Variants in DNAJC6 observed in about 807,000 individuals in gnomAD.
DNAJC6 encodes the protein DnaJ heat shock protein family (Hsp40) member C6, also known as auxilin.
A neutral mutation model predicts 110.0 loss-of-function variants in DNAJC6; 34 were observed. That is an observed-to-expected ratio of 0.31 (90% CI 0.24 to 0.41). The LOEUF is 0.41. Among genes scored for constraint, DNAJC6 ranks in the 10% least tolerant of loss-of-function variants. The pLI, the probability that DNAJC6 is intolerant of heterozygous loss-of-function variation, is 1.00. For synonymous variants in DNAJC6, 406 were observed against 437.2 expected, an observed-to-expected ratio of 0.93 and a Z score of 0.89; for missense variants, 1,031 against 1,207.8, an observed-to-expected ratio of 0.85 and a Z score of 2.17.
chr1:65,275,847 T>C (rs1193751322), intron 1 of DNAJC6, among the ~76,000 whole-genome samples: 1 of 151,978 alleles, frequency 6.6e-6, no homozygotes, highest in African/African-American at 2.4e-5. Flanking sequence ...ACAGAACCAT[T>C]AATTTCTTAA....
chr1:65,333,382 A>T (rs1192530337), intron 1 of DNAJC6, among the ~76,000 whole-genome samples: 1 of 152,120 alleles, frequency 6.6e-6, no homozygotes, highest in East Asian at 1.9e-4. Context: ...CATGGATAAA[A>T]ACCATCACTG....
In DNAJC6 at chr1:65,401,825, C is replaced by T; in HGVS notation, c.2172C>T (p.Pro724=). The T allele has an allele frequency of 6.2e-7, 1 of 1,613,980 alleles. No individual in the cohort carries two copies. Among genetic ancestry groups the T allele is most frequent in the Non-Finnish European group, 8.5e-7 (1 of 1,179,950 alleles). Residue 724 remains proline (P), a synonymous_variant, in exon 15 of 19, where the codon CCC becomes CCT. Transcript: ENST00000371069. ...TSPTGSSHGT[P]THQSKPQTLD... ...CAACCGGATCCTCGCATGGTACTCC[C>T]ACCCATCAAAGCAAACCCCAGACTC...
intron 8 of DNAJC6, 25 bp from the exon 9 acceptor site, chr1:65,388,311 A>G: frequency 6.3e-7 from 1 of 1,597,842 alleles, no homozygotes. Context: ...ATTGATTGTA[A>G]TGTGCTTCTC....
intron 1 of DNAJC6, among the ~76,000 whole-genome samples, chr1:65,278,608 G>A (rs759125352): frequency 1.3e-5 from 2 of 152,090 alleles, no homozygotes; most frequent in Non-Finnish European, 2.9e-5. Context: ...GTTTGTTCAC[G>A]TTTCAGTATG....
At chr1:65,269,715 C>T (rs973040482) in intron 1 of DNAJC6, among the ~76,000 whole-genome samples, 3 of 152,096 alleles carry the variant, frequency 2.0e-5, no homozygotes, top group African/African-American at 7.2e-5. Flanking sequence ...CTCAAAGCTT[C>T]AGGGGTAGCA....
chr1:65,394,401 A>G (rs996450148), intron 12 of DNAJC6, among the ~76,000 whole-genome samples: 1 of 152,244 alleles, frequency 6.6e-6, no homozygotes, highest in African/African-American at 2.4e-5. Context: ...GAATCCCAGG[A>G]CTTAACTGTC....
intron 1 of DNAJC6, among the ~76,000 whole-genome samples, chr1:65,294,274 T>C (rs1644907131): frequency 6.6e-6 from 1 of 152,220 alleles, no homozygotes; most frequent in Admixed American, 6.6e-5. Context: ...TGTATTTGTT[T>C]GATTTGGCTG....
chr1:65,272,883 G>A (rs1406851383), intron 1 of DNAJC6, among the ~76,000 whole-genome samples: 2 of 151,982 alleles, frequency 1.3e-5, no homozygotes, highest in Admixed American at 1.3e-4. Flanking sequence ...TCCTATTTTT[G>A]TGTGTGTTTT....
chr1:65,413,167 T>C lies in DNAJC6; in HGVS notation c.*142T>C. On this transcript the variant is annotated 3_prime_UTR_variant, in exon 19 of 19. Transcript: ENST00000371069. The stretch of plus-strand genomic sequence containing the variant: ...GTTAAGTTACTCATGAATTAATTTC[T>C]CATTGATAAGGAATGTGGATGTTTG... The C allele has an allele frequency of 1.5e-6, 1 of 653,136 alleles. No homozygotes were observed. 40.5% of individuals were successfully genotyped at this position (653,136 alleles called of 1,614,324 possible).
At chr1:65,380,460 T>C (rs1645806837) in intron 5 of DNAJC6, among the ~76,000 whole-genome samples, 1 of 152,224 alleles carries the variant, frequency 6.6e-6, no homozygotes, top group Admixed American at 6.5e-5. Flanking sequence ...TTTTTCTTTC[T>C]TTTTACTTCA....
chr1:65,273,008 G>GT (rs1346712137), intron 1 of DNAJC6, among the ~76,000 whole-genome samples: 5 of 151,986 alleles, frequency 3.3e-5, no homozygotes, highest in Non-Finnish European at 7.4e-5. Context: ...TCCTGTCCTT[G>GT]TTTTTTATTT....
chr1:65,377,383 C>G (rs190193335), intron 4 of DNAJC6, among the ~76,000 whole-genome samples: 24 of 152,102 alleles, frequency 1.6e-4, no homozygotes, highest in African/African-American at 5.8e-4. Flanking sequence ...AAAACAAACA[C>G]GTCAATGGGG....
At chr1:65,401,096 T>C (rs897320047) in intron 14 of DNAJC6, among the ~76,000 whole-genome samples, 1 of 152,214 alleles carries the variant, frequency 6.6e-6, no homozygotes, top group Non-Finnish European at 1.5e-5. Flanking sequence ...ATACATCTGT[T>C]GGTTTTATAC....
chr1:65,392,441 G>A lies in DNAJC6; in HGVS notation c.1479G>A (p.Ser493=), dbSNP rs574045616. 5 of 1,596,516 alleles carry A rather than the reference G, an allele frequency of 3.1e-6. No homozygotes were observed. Among genetic ancestry groups the A allele is most frequent in the Middle Eastern group, 1.7e-4 (1 of 5,860 alleles). ...FASLCWQDQK[S]EKSFCEEDHA... ...ACTGGCCTTCCTCAGATCAGAAATC[G>A]GAGAAGTCATTCTGTGAGGAGGACC... is the stretch of plus-strand genomic sequence containing the variant. Residue 493 remains serine, a synonymous_variant, in exon 12 of 19, where the codon TCG becomes TCA. Transcript: ENST00000371069.
intron 1 of DNAJC6, among the ~76,000 whole-genome samples, chr1:65,300,245 G>A (rs1306973167): frequency 2.0e-5 from 3 of 151,932 alleles, no homozygotes; most frequent in Admixed American, 6.6e-5. Context: ...TCTGGAGCTC[G>A]GGGTTCTTCT....
rs1157548033 is a variant in DNAJC6, at chr1:65,370,683, G to A, written c.543+4487G>A. On this transcript the variant is annotated intron_variant, in intron 4 of 18. Coordinates refer to ENST00000371069, the MANE Select transcript of DNAJC6 (RefSeq NM_001256864.2). ...CCTTCTAGCAGCAAAGAAATCTGCA[G>A]CCCAGCTGGTTGTTTTAGGCTCTAC... Among the ~76,000 whole-genome samples the A allele has an allele frequency of 3.9e-5, 6 of 152,156 alleles. No homozygotes were observed. The East Asian group carries it at 7.7e-4, about 20-fold the overall frequency.
intron 1 of DNAJC6, among the ~76,000 whole-genome samples, chr1:65,282,927 T>C (rs1188666588): frequency 6.6e-6 from 1 of 152,248 alleles, no homozygotes; most frequent in African/African-American, 2.4e-5. Context: ...ATTCAGTGAA[T>C]ATTTGTGAGA....
intron 1 of DNAJC6, among the ~76,000 whole-genome samples, chr1:65,349,091 A>AGT (rs1553141946): frequency 7.4e-6 from 1 of 135,860 alleles, no homozygotes; most frequent in Non-Finnish European, 1.5e-5. Flanking sequence ...TATATATGTA[A>AGT]ATATATATAT....
intron 1 of DNAJC6, among the ~76,000 whole-genome samples, chr1:65,361,214 T>C (rs1252799609): frequency 2.0e-5 from 3 of 152,320 alleles, no homozygotes; most frequent in Non-Finnish European, 2.9e-5. Context: ...TGTACTATCA[T>C]AAAGGTCTGA....
Sources: gnomAD v4.1 joint callset for allele counts (sites outside exome capture counted in the v4.1 genomes callset) on GRCh38, gnomAD v4.1.1 for gene constraint, MANE v1.5 for transcripts, NCBI Gene and HGNC (gene_info 2026-07-23, HGNC 2026-07-21) for gene names.